Variants in SLC25A37 observed in about 807,000 individuals in gnomAD.
SLC25A37 encodes the protein solute carrier family 25 member 37, also known as mitoferrin-1.
In SLC25A37, 17 loss-of-function variants were observed where a neutral mutation model predicts 31.0. The ratio of observed to expected loss-of-function variants is 0.55; its 90% CI spans 0.38 to 0.82. The LOEUF (loss-of-function observed/expected upper bound fraction) is 0.82, where lower values mean the gene tolerates loss of function less well. SLC25A37 is among the 40% of genes least tolerant of loss of function. The pLI, the probability that SLC25A37 is intolerant of heterozygous loss-of-function variation, is 0.00. For synonymous variants in SLC25A37, 222 were observed against 193.0 expected (o/e 1.15, Z -1.24); for missense variants, 404 against 465.8 (o/e 0.87, Z 1.22).
intron 1 of SLC25A37, among the ~76,000 whole-genome samples, chr8:23,543,706 TGTATTTTTAGTAG>T: frequency 6.6e-6 from 1 of 152,022 alleles, no homozygotes; most frequent in African/African-American, 2.4e-5. Context: ...AGCTAAATTT[TGTATTTTTAGTAG>T]AGATGGGGTT....
At chr8:23,539,231 G>A (rs962198567) in intron 1 of SLC25A37, among the ~76,000 whole-genome samples, 3 of 152,180 alleles carry the variant, frequency 2.0e-5, no homozygotes, top group African/African-American at 4.8e-5. Flanking sequence ...TCTAGGAAAC[G>A]TCTGGCCGTG....
chr8:23,560,630 G>A (rs1032222175), intron 1 of SLC25A37, among the ~76,000 whole-genome samples: 8 of 152,246 alleles, frequency 5.3e-5, no homozygotes, highest in Admixed American at 3.3e-4. Flanking sequence ...CCCAGCGGGG[G>A]CCTGACCAGG....
chr8:23,571,345 G>A lies in SLC25A37; in HGVS notation c.507G>A (p.Gln169=). The A allele has an allele frequency of 6.3e-7, 1 of 1,584,120 alleles. No homozygotes were observed. Among genetic ancestry groups the A allele is most frequent in the Non-Finnish European group, 8.6e-7 (1 of 1,164,312 alleles). The change falls in exon 4 of 4, where the codon CAG becomes CAA. Residue 169 remains glutamine (Q), a synonymous_variant. Coordinates refer to ENST00000519973, the MANE Select transcript of SLC25A37 (RefSeq NM_016612.4). The part of the protein sequence containing the change: ...AVMNPAEVVK[Q]RLQMYNSQHR... ...CGGTTCCAACCACAGTGGTGAAGCA[G>A]CGCTTGCAGATGTACAACTCGCAGC...
intron 2 of SLC25A37, chr8:23,567,497 G>A (rs1047967332): frequency 1.3e-5 from 2 of 152,714 alleles, no homozygotes; most frequent in African/African-American, 4.8e-5. Flanking sequence ...GCAATATGTG[G>A]TGTATGCTGT....
intron 1 of SLC25A37, among the ~76,000 whole-genome samples, chr8:23,536,832 A>G (rs929660379): frequency 1.3e-4 from 20 of 152,084 alleles, no homozygotes; most frequent in African/African-American, 4.8e-4. Flanking sequence ...CCCTCCCCAC[A>G]GCTACTTACT....
Position 23,571,985 on chromosome 8 carries a change from TAGAG to T in SLC25A37, c.*135_*138del, listed in dbSNP as rs1802865588. 9.6e-6 allele frequency: 10 copies of T among 1,044,760 alleles called. No homozygotes were observed. The highest frequency in any genetic ancestry group is 2.8e-4 in the Middle Eastern group (1 of 3,514). The allele number at this position is 1,044,760 out of a possible 1,614,324, so 64.7% of individuals were successfully genotyped here. ...ATGGGCCCTCTGCTCCCCAATGCCT[TAGAG>T]AGAGGAGGGGACGGCACGGCCGCTC... On this transcript the variant is annotated 3_prime_UTR_variant, in exon 4 of 4. Transcript: ENST00000519973.
chr8:23,549,004 A>G (rs568824353), intron 1 of SLC25A37, among the ~76,000 whole-genome samples: 15 of 152,174 alleles, frequency 9.9e-5, no homozygotes, highest in African/African-American at 3.4e-4. Context: ...CCCCAAATCT[A>G]AATGAGGTCC....
chr8:23,546,560 A>AGTGTG (rs1563256123), intron 1 of SLC25A37, among the ~76,000 whole-genome samples: 11 of 77,186 alleles, frequency 1.4e-4, no homozygotes, highest in Non-Finnish European at 8.7e-5. Context: ...TATAGTGTAT[A>AGTGTG]TATATATATA....
At chr8:23,552,571 C>T (rs578153255) in intron 1 of SLC25A37, among the ~76,000 whole-genome samples, 21 of 152,224 alleles carry the variant, frequency 1.4e-4, no homozygotes, top group East Asian at 1.4e-3. Flanking sequence ...CCAGAAGGAA[C>T]GCTGTCTTAC....
intron 1 of SLC25A37, among the ~76,000 whole-genome samples, chr8:23,542,169 A>G (rs1801911214): frequency 6.6e-6 from 1 of 152,140 alleles, no homozygotes; most frequent in Admixed American, 6.5e-5. Context: ...GAGCTGAAAA[A>G]TTCCTATTAC....
At chr8:23,562,221 C>T (rs1285790409) in intron 1 of SLC25A37, among the ~76,000 whole-genome samples, 2 of 152,250 alleles carry the variant, frequency 1.3e-5, no homozygotes, top group Admixed American at 1.3e-4. Context: ...CTGGAGCCAC[C>T]TCTTGTTCAC....
rs1182991039 is a variant in SLC25A37 at position 23,571,838 on chromosome 8, A to T, written c.1000A>T (p.Asn334Tyr). The T allele has an allele frequency of 6.2e-7, 1 of 1,611,372 alleles. No individual in the cohort carries two copies. The change falls in exon 4 of 4, where the codon AAT (asparagine) becomes TAT (tyrosine). Residue 334 changes from asparagine to tyrosine, a missense_variant. By Grantham distance (143) the Asn-to-Tyr change is moderately radical (BLOSUM62 -2). This residue lies in a region of SLC25A37 where 243 missense variants were observed against 284.4 expected (regional missense o/e 0.85). Coordinates refer to ENST00000519973, the MANE Select transcript of SLC25A37 (RefSeq NM_016612.4). ...KYFLTKRQLE[N>Y]RAPY ...CTTTCTCACCAAGCGCCAGCTGGAAAATCGAGCTCCATACTAAAGGAAGGG... is the reference window on the plus strand; with the variant it reads ...CTTTCTCACCAAGCGCCAGCTGGAATATCGAGCTCCATACTAAAGGAAGGG...
At chr8:23,544,303 G>A (rs1447402800) in intron 1 of SLC25A37, among the ~76,000 whole-genome samples, 2 of 152,146 alleles carry the variant, frequency 1.3e-5, no homozygotes, top group East Asian at 1.9e-4. Flanking sequence ...CTAGGTGTGC[G>A]GTAGCTATCC....
chr8:23,547,256 TG>T (rs1233754987), intron 1 of SLC25A37, among the ~76,000 whole-genome samples: 1 of 152,132 alleles, frequency 6.6e-6, no homozygotes, highest in Admixed American at 6.5e-5. Flanking sequence ...AGAGAACATT[TG>T]TCAATCCAGA....
chr8:23,547,010 T>A (rs1324714004), intron 1 of SLC25A37, among the ~76,000 whole-genome samples: 1 of 152,162 alleles, frequency 6.6e-6, no homozygotes, highest in Non-Finnish European at 1.5e-5. Flanking sequence ...ACGCTTTGCC[T>A]GGCCTTGGAT....
chr8:23,571,989 G>A lies in SLC25A37; in HGVS notation c.*134G>A. ...GCCCTCTGCTCCCCAATGCCTTAGA[G>A]AGAGGAGGGGACGGCACGGCCGCTC... On this transcript the variant is annotated 3_prime_UTR_variant, in exon 4 of 4. Transcript: ENST00000519973. 1 of 1,007,316 alleles carries A rather than the reference G, an allele frequency of 9.9e-7. No individual in the cohort carries two copies. The highest frequency in any genetic ancestry group is 1.4e-6 in the Non-Finnish European group (1 of 693,938). 62.4% of individuals were successfully genotyped at this position (1,007,316 alleles called of 1,614,324 possible).
intron 1 of SLC25A37, chr8:23,543,035 A>G (rs1461424685): frequency 6.6e-6 from 1 of 152,098 alleles, no homozygotes; most frequent in Non-Finnish European, 1.5e-5. Context: ...TAAAACAAAA[A>G]CATTACAGTA....
chr8:23,573,965 A>C lies in SLC25A37; in HGVS notation c.*2110A>C. ...GTGTTAAATGGTGTTAAATTCTGCA[A>C]ATGGAGGGGAAAAAAATCAAATTCT... On this transcript the variant is annotated 3_prime_UTR_variant, in exon 4 of 4. Transcript: ENST00000519973. 2.8e-6 allele frequency: 1 copy of C among 363,476 alleles called. No homozygotes were observed. The highest frequency in any genetic ancestry group is 1.9e-5 in the South Asian group (1 of 52,068). The allele number at this position is 363,476 out of a possible 1,614,324, so 22.5% of individuals were successfully genotyped here.
At chr8:23,531,456 C>T (rs1197008836) in intron 1 of SLC25A37, among the ~76,000 whole-genome samples, 3 of 152,210 alleles carry the variant, frequency 2.0e-5, no homozygotes, top group African/African-American at 7.2e-5. Context: ...CTGCTCAGTC[C>T]CTCTCCACAT....
Sources: gnomAD v4.1 joint callset for allele counts (sites outside exome capture counted in the v4.1 genomes callset) on GRCh38, gnomAD v4.1.1 for gene constraint, gnomAD v4.1.1 regional missense constraint, MANE v1.5 for transcripts, NCBI Gene and HGNC (gene_info 2026-07-23, HGNC 2026-07-21) for gene names.